Variants in SLAIN1 observed in about 807,000 individuals in gnomAD.
SLAIN1 encodes SLAIN motif-containing protein 1.
SLAIN1 carries 17 observed loss-of-function variants against 55.4 expected under a neutral mutation model. That is an observed-to-expected ratio of 0.31 (90% CI 0.21 to 0.46). The LOEUF (loss-of-function observed/expected upper bound fraction) is 0.46, where lower values mean the gene tolerates loss of function less well. Ranked by LOEUF, SLAIN1 falls within the 20% of genes least tolerant of loss-of-function variation. SLAIN1 has a pLI of 1.00. For missense variants in SLAIN1, 682 were observed against 785.1 expected, an observed-to-expected ratio of 0.87 and a Z score of 1.57; for synonymous variants, 348 against 337.4, an observed-to-expected ratio of 1.03 and a Z score of -0.35.
chr13:77,761,782 T>C (rs1258823386), intron 6 of SLAIN1, among the ~76,000 whole-genome samples: 1 of 152,140 alleles, frequency 6.6e-6, no homozygotes, highest in East Asian at 1.9e-4. Context: ...ACATTTAGTC[T>C]AGCTCTTGGT....
chr13:77,719,482 A>C (rs1305767121), intron 1 of SLAIN1, 50 bp from the exon 2 acceptor site: 3 of 1,326,228 alleles, frequency 2.3e-6, no homozygotes, highest in Admixed American at 2.0e-5. Context: ...AGAGAGAGGT[A>C]CTCTCTGTAT....
At position 77,754,179 on chromosome 13, in the gene SLAIN1, C is replaced by T. The variant is rs368921978; in HGVS notation, c.1414+821C>T. Among the ~76,000 whole-genome samples the T allele has an allele frequency of 1.3e-3, 200 of 152,250 alleles. 5 individuals are homozygous for T. The South Asian group carries it at 0.029, about 22-fold the overall frequency. ...AGTGTACTGGCCAAGAGTCGTCAAC[C>T]GGATGTTTTAAGTCTGCATCCAAAA... On this transcript the variant is annotated intron_variant, in intron 5 of 6. Coordinates refer to ENST00000418532, the MANE Select transcript of SLAIN1 (RefSeq NM_001242868.2).
At position 77,699,203 on chromosome 13, in the gene SLAIN1, T is replaced by C. The variant is rs1390436432; in HGVS notation, c.626+664T>C. 6 of 649,396 alleles carry C rather than the reference T, an allele frequency of 9.2e-6. No individual in the cohort carries two copies. The South Asian group carries it at 1.2e-4, about 14-fold the overall frequency. 40.2% of individuals were successfully genotyped at this position (649,396 alleles called of 1,614,324 possible). A position where few individuals can be genotyped will look rare whatever the true frequency, so the allele number is the denominator to read the frequency against. ...TAAATAGTGCCAATAAAGAGGACTT[T>C]TCTTGGAGTGGAATGAACAGGTGGG... On this transcript the variant is annotated intron_variant, in intron 1 of 6. Coordinates refer to ENST00000418532, the MANE Select transcript of SLAIN1 (RefSeq NM_001242868.2).
At chr13:77,715,040 G>A (rs574260131) in intron 1 of SLAIN1, among the ~76,000 whole-genome samples, 15 of 152,142 alleles carry the variant, frequency 9.9e-5, no homozygotes, top group East Asian at 3.9e-4. Flanking sequence ...GCTAATTTTC[G>A]TATTTTTAGT....
At chr13:77,753,182 C>T (rs766181365) in intron 4 of SLAIN1, 21 bp from the exon 5 acceptor site, 2 of 1,564,462 alleles carry the variant, frequency 1.3e-6, no homozygotes, top group Admixed American at 2.0e-5. Context: ...TCATTTTTAA[C>T]TTAGTAAAAT....
At chr13:77,699,103 T>C (rs1167365799) in intron 1 of SLAIN1, 2 of 1,491,014 alleles carry the variant, frequency 1.3e-6, no homozygotes, top group Non-Finnish European at 9.0e-7. Flanking sequence ...CCCTTTTGCG[T>C]TGCATTTTCA....
intron 2 of SLAIN1, among the ~76,000 whole-genome samples, chr13:77,721,952 C>T (rs2091266379): frequency 6.8e-6 from 1 of 147,604 alleles, no homozygotes; most frequent in African/African-American, 2.5e-5. Context: ...TACATATAAG[C>T]ATTATGTCAT....
In SLAIN1 at chr13:77,698,178, A is replaced by C. The variant is rs2154409034; in HGVS notation, c.265A>C (p.Thr89Pro). The C allele has an allele frequency of 8.5e-7, 1 of 1,179,470 alleles. No individual in the cohort carries two copies. Among genetic ancestry groups the C allele is most frequent in the Non-Finnish European group, 1.0e-6 (1 of 955,838 alleles). 73.1% of individuals were successfully genotyped at this position (1,179,470 alleles called of 1,614,324 possible). A position where few individuals can be genotyped will look rare whatever the true frequency, so the allele number is the denominator to read the frequency against. ...TCGGAGCCCCCCGGCCGCCACGGCC[A>C]CCGCCGCGGCCTCAGGGGGCCTGGG... is the stretch of plus-strand genomic sequence containing the variant. ...GPRSPPAATATAAASGGLGLG... is the reference protein window; with the variant it reads ...GPRSPPAATAPAAASGGLGLG... The change falls in exon 1 of 7, where the codon ACC becomes CCC. Residue 89 changes from threonine (T) to proline (P), a missense_variant. Physicochemically the swap from Thr to Pro is conservative, Grantham distance 38. This residue lies in a region of SLAIN1 where 401 missense variants were observed against 417.3 expected (regional missense o/e 0.96). Coordinates refer to ENST00000418532, the MANE Select transcript of SLAIN1 (RefSeq NM_001242868.2). This position sits in a 1 kb window ranked among gnomAD's most constrained non-coding sequence, Gnocchi z 4.1.
intron 4 of SLAIN1, 103 bp from the exon 5 acceptor site, chr13:77,753,100 A>G: frequency 9.5e-7 from 1 of 1,056,012 alleles, no homozygotes; most frequent in Non-Finnish European, 1.3e-6. Context: ...AATAATTTGT[A>G]TTTATTATTG....
chr13:77,746,785 T>C lies in SLAIN1; in HGVS notation c.1188T>C (p.Asn396=). 3 of 1,613,838 alleles carry C rather than the reference T, an allele frequency of 1.9e-6. No homozygotes were observed. The highest frequency in any genetic ancestry group is 2.5e-6 in the Non-Finnish European group (3 of 1,179,836). The change falls in exon 4 of 7, where the codon AAT becomes AAC. Residue 396 remains asparagine, a synonymous_variant. Coordinates refer to ENST00000418532, the MANE Select transcript of SLAIN1 (RefSeq NM_001242868.2). ...GTTCCCAGTATTTTCCTTCAAATAA[T>C]TACCAGCAGCAACAGTATTATTCAC... ...SPSSQYFPSN[N]YQQQQYYSPQ...
At chr13:77,739,510 G>A (rs954019947) in intron 2 of SLAIN1, among the ~76,000 whole-genome samples, 10 of 152,152 alleles carry the variant, frequency 6.6e-5, no homozygotes, top group Middle Eastern at 3.4e-3. Flanking sequence ...ATGCACTACC[G>A]ACCTTTTGAG....
At chr13:77,708,926 C>T (rs1038765551) in intron 1 of SLAIN1, among the ~76,000 whole-genome samples, 2 of 151,900 alleles carry the variant, frequency 1.3e-5, no homozygotes, top group Admixed American at 1.3e-4. Context: ...GATGAATTGA[C>T]AGAAATAGAC....
chr13:77,737,000 C>G (rs1388791466), intron 2 of SLAIN1, among the ~76,000 whole-genome samples: 4 of 152,022 alleles, frequency 2.6e-5, no homozygotes, highest in Non-Finnish European at 4.4e-5. Flanking sequence ...TACCCTGAAT[C>G]TGTTTGTCTC....
intron 2 of SLAIN1, among the ~76,000 whole-genome samples, chr13:77,736,952 AT>A (rs1873150877): frequency 6.6e-6 from 1 of 151,644 alleles, no homozygotes; most frequent in Non-Finnish European, 1.5e-5. Flanking sequence ...TCCTTGGGTG[AT>A]TTCAATCATG....
intron 2 of SLAIN1, among the ~76,000 whole-genome samples, chr13:77,726,794 A>G (rs1234154916): frequency 6.6e-6 from 1 of 152,204 alleles, no homozygotes; most frequent in Non-Finnish European, 1.5e-5. Flanking sequence ...CAGATTTTAC[A>G]ATTTATAAAG....
chr13:77,737,997 G>C (rs1395481270), intron 2 of SLAIN1, among the ~76,000 whole-genome samples: 3 of 152,026 alleles, frequency 2.0e-5, no homozygotes, highest in African/African-American at 7.2e-5. Flanking sequence ...GAGTATAGGG[G>C]CCAGGCAGAC....
intron 2 of SLAIN1, among the ~76,000 whole-genome samples, chr13:77,721,978 A>G (rs1042518219): frequency 2.8e-5 from 4 of 143,486 alleles, no homozygotes; most frequent in Admixed American, 7.2e-5. Context: ...CACTAGATAC[A>G]TTTACATATA....
chr13:77,716,065 G>A (rs755145630), intron 1 of SLAIN1, among the ~76,000 whole-genome samples: 1 of 150,856 alleles, frequency 6.6e-6, no homozygotes, highest in Non-Finnish European at 1.5e-5. Context: ...TTACATTTTT[G>A]TCTGTGCTCT....
intron 4 of SLAIN1, among the ~76,000 whole-genome samples, chr13:77,752,908 A>G (rs1374851216): frequency 1.3e-5 from 2 of 152,158 alleles, no homozygotes; most frequent in Non-Finnish European, 2.9e-5. Context: ...CACTGACTCA[A>G]ATGTTAATCT....
Sources: gnomAD v4.1 joint callset for allele counts (sites outside exome capture counted in the v4.1 genomes callset) on GRCh38, gnomAD v4.1.1 for gene constraint, gnomAD v4.1.1 regional missense constraint, Gnocchi (gnomAD v3.1) non-coding constraint, MANE v1.5 for transcripts, NCBI Gene and HGNC (gene_info 2026-07-23, HGNC 2026-07-21) for gene names.